Variants in PNPLA1 observed in about 807,000 individuals in gnomAD.
The protein encoded by PNPLA1 is omega-hydroxyceramide transacylase.
Under a neutral mutation model 51.7 loss-of-function variants are expected in PNPLA1, and 36 were observed. The observed-to-expected ratio is 0.70, with a 90% confidence interval of 0.53 to 0.92. PNPLA1 has a LOEUF of 0.92. Ranked by LOEUF, PNPLA1 falls within the 40% of genes least tolerant of loss-of-function variation. The pLI, the probability that PNPLA1 is intolerant of heterozygous loss-of-function variation, is 0.00. For synonymous variants in PNPLA1, 293 were observed against 280.1 expected, an observed-to-expected ratio of 1.05 and a Z score of -0.46; for missense variants, 658 against 682.5, an observed-to-expected ratio of 0.96 and a Z score of 0.40.
chr6:36,272,651 G>C (rs1279792263), intron 1 of PNPLA1, among the ~76,000 whole-genome samples: 2 of 152,174 alleles, frequency 1.3e-5, no homozygotes, highest in East Asian at 3.9e-4. Flanking sequence ...GTGGAAACTA[G>C]ATAAGGGAAG....
Position 36,307,601 on chromosome 6 carries a change from A to T in PNPLA1, c.1484A>T (p.Glu495Val), listed in dbSNP as rs1771279489. The change falls in exon 8 of 9, where the codon GAA becomes GTA. Residue 495 changes from glutamate to valine, a missense_variant. Glu to Val is a moderately radical substitution (Grantham distance 121). Coordinates refer to ENST00000636260, the MANE Select transcript of PNPLA1 (RefSeq NM_001374623.1). ...SKPYVTESPA[E>V]DSNWVNKVFK... ...TCTTTGCCTAGGGAGAGCCCTGCTG[A>T]AGACTCAAACTGGGTGAATAAGGTC... 6.2e-7 allele frequency: 1 copy of T among 1,613,564 alleles called. No individual in the cohort carries two copies. Among genetic ancestry groups the T allele is most frequent in the African/African-American group, 1.3e-5 (1 of 74,844 alleles).
chr6:36,270,754 G>T (rs555323630), intron 1 of PNPLA1, 90 bp downstream of exon 1: 1 of 1,427,350 alleles, frequency 7.0e-7, no homozygotes, highest in African/African-American at 1.4e-5. Context: ...GATGCTTTGG[G>T]GGACAAAGCC....
chr6:36,273,752 A>AAAAAAAAAAAT (rs1770002709), intron 1 of PNPLA1, among the ~76,000 whole-genome samples: 1 of 138,602 alleles, frequency 7.2e-6, no homozygotes, highest in Non-Finnish European at 1.6e-5. Flanking sequence ...AAAAAAAAAA[A>AAAAAAAAAAAT]GATGAAGAAA....
intron 5 of PNPLA1, among the ~76,000 whole-genome samples, chr6:36,299,343 T>G (rs1770958321): frequency 6.7e-6 from 1 of 150,094 alleles, no homozygotes; most frequent in South Asian, 2.1e-4. Flanking sequence ...CTGTTTTTTT[T>G]TTTTTTTTTG....
intron 1 of PNPLA1, among the ~76,000 whole-genome samples, chr6:36,252,919 G>A (rs1297553373): frequency 2.0e-5 from 3 of 152,054 alleles, no homozygotes; most frequent in African/African-American, 4.8e-5. Flanking sequence ...GGTGGCTCAC[G>A]CCTGTAATTC....
Position 36,270,546 on chromosome 6 carries a change from GGGGGCTGT to G in PNPLA1, c.90_97del (p.Ala31ArgfsTer34). The stretch of plus-strand genomic sequence containing the variant: ...GTGGATTCCTCTCCTTCTACCAGGC[GGGGGCTGT>G]GGACGCCCTGCGGGACCTGGCCCCC... On this transcript the variant is annotated frameshift_variant, in exon 1 of 9. Transcript: ENST00000636260. LOFTEE classifies it high-confidence loss of function. 6.4e-7 allele frequency: 1 copy of G among 1,551,622 alleles called. No individual in the cohort carries two copies. Among genetic ancestry groups the G allele is most frequent in the Non-Finnish European group, 8.7e-7 (1 of 1,147,010 alleles).
intron 1 of PNPLA1, among the ~76,000 whole-genome samples, chr6:36,256,863 AG>A: frequency 6.6e-6 from 1 of 152,344 alleles, no homozygotes. Flanking sequence ...AGTCCCACAA[AG>A]CTTGAAACTC....
chr6:36,268,078 C>G (rs1327317313), upstream of PNPLA1, among the ~76,000 whole-genome samples: 1 of 152,172 alleles, frequency 6.6e-6, no homozygotes, highest in Non-Finnish European at 1.5e-5. Context: ...GGCCACCATC[C>G]TCCTTCCTCA....
chr6:36,285,188 A>G (rs1770444212), intron 1 of PNPLA1, among the ~76,000 whole-genome samples: 1 of 152,138 alleles, frequency 6.6e-6, no homozygotes, highest in Non-Finnish European at 1.5e-5. Flanking sequence ...ATAGCAGCCA[A>G]CTCTCAGGTG....
chr6:36,302,027 G>C lies in PNPLA1; in HGVS notation c.942G>C (p.Trp314Cys). 1 of 1,614,214 alleles carries C rather than the reference G, an allele frequency of 6.2e-7. No homozygotes were observed. The highest frequency in any genetic ancestry group is 1.7e-5 in the Admixed American group (1 of 60,030). ...LEGATQPHKE[W>C]VPKGDGRGSH... ...GAGCCACACAACCTCACAAGGAGTG[G>C]GTTCCCAAAGGGGATGGAAGGGGCA... Residue 314 changes from tryptophan to cysteine, a missense_variant, in exon 6 of 9, where the codon TGG (tryptophan) becomes TGC (cysteine). Coordinates refer to ENST00000636260, the MANE Select transcript of PNPLA1 (RefSeq NM_001374623.1).
At chr6:36,271,942 G>A (rs1221924509) in intron 1 of PNPLA1, among the ~76,000 whole-genome samples, 3 of 152,108 alleles carry the variant, frequency 2.0e-5, no homozygotes, top group African/African-American at 4.8e-5. Context: ...CTGTTTCTCC[G>A]TCCACAAATG....
chr6:36,280,305 T>G (rs1770240925), intron 1 of PNPLA1, among the ~76,000 whole-genome samples: 1 of 152,224 alleles, frequency 6.6e-6, no homozygotes, highest in Non-Finnish European at 1.5e-5. Context: ...CTTGGTTTTT[T>G]TGCAGGAATT....
At chr6:36,267,858 A>T (rs919934773), upstream of PNPLA1, among the ~76,000 whole-genome samples, 1 of 151,626 alleles carries the variant, frequency 6.6e-6, no homozygotes, top group Non-Finnish European at 1.5e-5. Context: ...TCCTCCACCC[A>T]GCTTCCCCAG....
intron 6 of PNPLA1, among the ~76,000 whole-genome samples, chr6:36,303,403 A>T (rs935388885): frequency 3.9e-5 from 6 of 152,196 alleles, no homozygotes; most frequent in Non-Finnish European, 5.9e-5. Flanking sequence ...AGAAATTTTT[A>T]AAAAACTGTT....
intron 1 of PNPLA1, among the ~76,000 whole-genome samples, chr6:36,274,518 T>C (rs1033941170): frequency 2.0e-5 from 3 of 152,194 alleles, no homozygotes; most frequent in Non-Finnish European, 4.4e-5. Context: ...ATTTTATTGA[T>C]GGATCTGACC....
intron 8 of PNPLA1, 102 bp downstream of exon 8, chr6:36,307,814 G>A (rs1396609887): frequency 9.9e-6 from 14 of 1,416,696 alleles, no homozygotes; most frequent in African/African-American, 2.9e-5. Context: ...AGGGAGTAGG[G>A]GGTGCAGTGG....
intron 1 of PNPLA1, among the ~76,000 whole-genome samples, chr6:36,259,988 A>T (rs888619855): frequency 2.7e-5 from 4 of 150,892 alleles, no homozygotes; most frequent in African/African-American, 7.3e-5. Flanking sequence ...AAAAGTTGAA[A>T]TTTTTTTTTT....
chr6:36,247,264 C>G (rs1488183207), intron 1 of PNPLA1, among the ~76,000 whole-genome samples: 2 of 152,254 alleles, frequency 1.3e-5, no homozygotes, highest in East Asian at 3.8e-4. Flanking sequence ...CCTACTCCCT[C>G]CTTTCCCAGC....
chr6:36,288,050 G>T (rs1770556525), intron 1 of PNPLA1, among the ~76,000 whole-genome samples: 1 of 152,158 alleles, frequency 6.6e-6, no homozygotes, highest in Admixed American at 6.5e-5. Flanking sequence ...CTGAATAGGT[G>T]AGAGTTGACT....
Sources: allele counts gnomAD v4.1 joint callset (sites outside exome capture counted in the v4.1 genomes callset), GRCh38; gene constraint gnomAD v4.1.1; transcripts MANE v1.5; gene names NCBI Gene and HGNC (gene_info 2026-07-23, HGNC 2026-07-21).